Variants in WDFY3 observed in about 807,000 individuals in gnomAD.
The protein encoded by WDFY3 is WD repeat and FYVE domain containing 3.
WDFY3 carries 66 observed loss-of-function variants against 409.6 expected under a neutral mutation model. The observed-to-expected ratio is 0.16, with a 90% confidence interval of 0.13 to 0.20. The LOEUF is 0.20. Among genes scored for constraint, WDFY3 ranks in the 10% least tolerant of loss-of-function variants. WDFY3 has a pLI of 1.00. For synonymous variants in WDFY3, 1,521 were observed against 1,537.1 expected, an observed-to-expected ratio of 0.99 and a Z score of 0.25; for missense variants, 3,031 against 4,298.1, an observed-to-expected ratio of 0.71 and a Z score of 8.24.
chr4:84,928,852 C>T (rs1325016678), intron 2 of WDFY3, among the ~76,000 whole-genome samples: 1 of 152,064 alleles, frequency 6.6e-6, no homozygotes, highest in Non-Finnish European at 1.5e-5. Context: ...TCACACGCCA[C>T]TTGAATAAGT....
chr4:84,845,410 C>T (rs1757953587), intron 5 of WDFY3, among the ~76,000 whole-genome samples: 2 of 151,908 alleles, frequency 1.3e-5, no homozygotes, highest in Non-Finnish European at 2.9e-5. Context: ...TGGTTGGTGG[C>T]CAGGGGCTGA....
intron 2 of WDFY3, among the ~76,000 whole-genome samples, 177 bp from the exon 3 acceptor site, chr4:84,897,187 T>C (rs779129984): frequency 2.0e-5 from 3 of 152,204 alleles, no homozygotes; most frequent in Non-Finnish European, 4.4e-5. Context: ...AGCCACACTC[T>C]GTTCAAATTA....
intron 10 of WDFY3, among the ~76,000 whole-genome samples, chr4:84,825,078 G>A (rs1754657287): frequency 1.3e-5 from 2 of 152,100 alleles, no homozygotes; most frequent in Non-Finnish European, 2.9e-5. Flanking sequence ...AACCCTGGGA[G>A]GTGCTAGGTT....
rs565240669 is a variant in WDFY3, at chr4:84,930,012, T to G, written c.-132+2258A>C. Reference sequence around the variant, plus strand: ...CACCTAAAAGCCAAGAAAACAGGACTGGAACAAATCCTTCCCTCACAGGCC... The same window carrying G: ...CACCTAAAAGCCAAGAAAACAGGACGGGAACAAATCCTTCCCTCACAGGCC... On this transcript the variant is annotated intron_variant, in intron 2 of 67. Coordinates refer to ENST00000295888, the MANE Select transcript of WDFY3 (RefSeq NM_014991.6). Among the ~76,000 whole-genome samples, 24 of 151,938 alleles carry G rather than the reference T, an allele frequency of 1.6e-4. No homozygotes were observed. In the South Asian group the frequency reaches 5.0e-3, roughly 32 times the overall value.
chr4:84,751,808 AT>A, intron 35 of WDFY3, 92 bp from the exon 36 acceptor site: 1 of 1,347,532 alleles, frequency 7.4e-7, no homozygotes, highest in African/African-American at 1.4e-5. Context: ...GAGCAGCAGC[AT>A]TTTCCACCTA....
chr4:84,863,163 G>C (rs1760896550), intron 3 of WDFY3, among the ~76,000 whole-genome samples: 1 of 152,168 alleles, frequency 6.6e-6, no homozygotes, highest in Non-Finnish European at 1.5e-5. Context: ...TGGCTTTTGT[G>C]AATAGTGCTG....
chr4:84,891,559 A>G (rs1319432301), intron 3 of WDFY3, among the ~76,000 whole-genome samples: 1 of 152,200 alleles, frequency 6.6e-6, no homozygotes, highest in Non-Finnish European at 1.5e-5. Context: ...AATCCACAAG[A>G]ATCTACAGAT....
chr4:84,797,170 T>C (rs1277670523), intron 18 of WDFY3, among the ~76,000 whole-genome samples: 1 of 152,186 alleles, frequency 6.6e-6, no homozygotes, highest in Non-Finnish European at 1.5e-5. Context: ...ATAGGTCATC[T>C]TTATTATAAA....
At chr4:84,943,653 C>T (rs1579230177) in intron 1 of WDFY3, among the ~76,000 whole-genome samples, 1 of 152,196 alleles carries the variant, frequency 6.6e-6, no homozygotes, top group African/African-American at 2.4e-5. Flanking sequence ...AGGTCACTTC[C>T]CCTAGCCCCA....
At chr4:84,730,270 T>C (rs1736370832) in intron 44 of WDFY3, among the ~76,000 whole-genome samples, 1 of 152,168 alleles carries the variant, frequency 6.6e-6, no homozygotes, top group Non-Finnish European at 1.5e-5. Flanking sequence ...AGTTTTAGAT[T>C]TAGGAAAATT....
intron 1 of WDFY3, among the ~76,000 whole-genome samples, chr4:84,938,293 GACA>G (rs1168389438): frequency 5.3e-5 from 8 of 151,990 alleles, no homozygotes; most frequent in South Asian, 2.1e-4. Flanking sequence ...ATAATTGGGG[GACA>G]ACAACTAGAT....
intron 62 of WDFY3, 164 bp downstream of exon 62, chr4:84,687,922 G>T: frequency 1.4e-6 from 1 of 711,830 alleles, no homozygotes. Context: ...CACCTGATGG[G>T]TATAGTGCCT....
chr4:84,800,853 AT>A (rs1023971095), intron 17 of WDFY3, among the ~76,000 whole-genome samples: 13 of 152,230 alleles, frequency 8.5e-5, no homozygotes, highest in Non-Finnish European at 1.6e-4. Flanking sequence ...GCTACTGCTG[AT>A]TTGACAGGAG....
intron 59 of WDFY3, among the ~76,000 whole-genome samples, 158 bp downstream of exon 59, chr4:84,692,727 T>G (rs1225510186): frequency 1.3e-5 from 2 of 151,992 alleles, no homozygotes; most frequent in Non-Finnish European, 2.9e-5. Context: ...AAAGAGAAAA[T>G]ATAAATACTA....
At chr4:84,850,611 C>A (rs1352154615) in intron 4 of WDFY3, among the ~76,000 whole-genome samples, 1 of 152,142 alleles carries the variant, frequency 6.6e-6, no homozygotes, top group African/African-American at 2.4e-5. Context: ...GCCACCACAT[C>A]CAGCCAACAT....
intron 6 of WDFY3, among the ~76,000 whole-genome samples, chr4:84,837,887 A>G (rs1351530308): frequency 6.6e-6 from 1 of 152,178 alleles, no homozygotes; most frequent in African/African-American, 2.4e-5. Flanking sequence ...TGGGCATGCA[A>G]AGACGAAGCA....
At chr4:84,875,663 T>G (rs1408771531) in intron 3 of WDFY3, among the ~76,000 whole-genome samples, 1 of 152,204 alleles carries the variant, frequency 6.6e-6, no homozygotes, top group Non-Finnish European at 1.5e-5. Flanking sequence ...TACAAAAATG[T>G]TTTTTCTTTA....
chr4:84,679,940 G>T (rs2148759624), intron 64 of WDFY3, among the ~76,000 whole-genome samples: 1 of 151,918 alleles, frequency 6.6e-6, no homozygotes, highest in Admixed American at 6.6e-5. Context: ...ACCCAGGCTG[G>T]AGTGCAGTGG....
At chr4:84,733,733 A>G in intron 43 of WDFY3, 124 bp from the exon 44 acceptor site, 1 of 924,758 alleles carries the variant, frequency 1.1e-6, no homozygotes, top group South Asian at 1.7e-5. Context: ...TTCAGTTAAC[A>G]TTATAAAAGT....
Sources: allele counts gnomAD v4.1 joint callset (sites outside exome capture counted in the v4.1 genomes callset), GRCh38; gene constraint gnomAD v4.1.1; transcripts MANE v1.5; gene names NCBI Gene and HGNC (gene_info 2026-07-23, HGNC 2026-07-21).